The following NXN variants were observed in gnomAD, a reference collection of about 807,000 sequenced individuals.
NXN encodes the protein nucleoredoxin 1.
A neutral mutation model predicts 48.6 loss-of-function variants in NXN; 16 were observed. The observed-to-expected ratio is 0.33, with a 90% confidence interval of 0.22 to 0.50. The LOEUF (loss-of-function observed/expected upper bound fraction) is 0.50. Among genes scored for constraint, NXN ranks in the 20% least tolerant of loss-of-function variants. The pLI is 0.98. For missense variants in NXN, 492 were observed against 605.5 expected, an observed-to-expected ratio of 0.81 and a Z score of 1.97; for synonymous variants, 281 against 269.6, an observed-to-expected ratio of 1.04 and a Z score of -0.41.
chr17:936,589 C>T (rs189894807), intron 1 of NXN, among the ~76,000 whole-genome samples: 216 of 150,960 alleles, frequency 1.4e-3, no homozygotes, highest in Middle Eastern at 6.8e-3. Flanking sequence ...GAGAGAAGGG[C>T]GAGGTGTGTC....
chr17:890,422 G>C (rs1456909401), intron 1 of NXN, among the ~76,000 whole-genome samples: 2 of 152,092 alleles, frequency 1.3e-5, no homozygotes, highest in Non-Finnish European at 2.9e-5. Context: ...CGCCCAGGCT[G>C]GAGTGCAGTG....
chr17:939,566 A>G (rs375326409), intron 1 of NXN, among the ~76,000 whole-genome samples: 2 of 152,074 alleles, frequency 1.3e-5, no homozygotes, highest in East Asian at 3.9e-4. Flanking sequence ...GGCTGGTCTC[A>G]AACTCCTGAC....
At chr17:971,496 G>A (rs2069377647) in intron 1 of NXN, among the ~76,000 whole-genome samples, 1 of 151,414 alleles carries the variant, frequency 6.6e-6, no homozygotes, top group African/African-American at 2.4e-5. Flanking sequence ...GGATCATGAG[G>A]TCAGGAGTTC....
Position 932,408 on chromosome 17 carries a change from AGGAATCC to A in NXN, c.360+46904_360+46910del, listed in dbSNP as rs143386779. On this transcript the variant is annotated intron_variant, in intron 1 of 7. Transcript: ENST00000336868. This position sits in a 1 kb window ranked among gnomAD's most constrained non-coding sequence, Gnocchi z 4.1. ...AGTCAAGAACTCTGGGATGGGGCCC[AGGAATCC>A]GCATTTAACCAGTCCTTCTGGTTAT... Among the ~76,000 whole-genome samples the A allele has an allele frequency of 4.8e-4, 73 of 152,300 alleles. No homozygotes were observed. The East Asian group carries it at 0.014, about 29-fold the overall frequency.
At chr17:812,009 G>A (rs534929298) in intron 5 of NXN, among the ~76,000 whole-genome samples, 2 of 138,166 alleles carry the variant, frequency 1.4e-5, no homozygotes, top group Non-Finnish European at 3.0e-5. Context: ...CTCACTGCAA[G>A]CTCCGTCTCC....
chr17:849,836 AGAG>A lies in NXN; in HGVS notation c.361-23761_361-23759del, dbSNP rs1031341087. Reference sequence around the variant, plus strand: ...CAGCAGAGAGAAATGGAGCTGACGGAGAGGAGGACAGATAAGGAGGGGCAGGAG... The same window carrying A: ...CAGCAGAGAGAAATGGAGCTGACGGAGAGGACAGATAAGGAGGGGCAGGAG... On this transcript the variant is annotated intron_variant, in intron 1 of 7. Coordinates refer to ENST00000336868, the MANE Select transcript of NXN (RefSeq NM_022463.5). This position sits in a 1 kb window ranked among gnomAD's most constrained non-coding sequence, Gnocchi z 4.2. Among the ~76,000 whole-genome samples, 10 of 152,256 alleles carry A rather than the reference AGAG, an allele frequency of 6.6e-5. No individual in the cohort carries two copies. Among genetic ancestry groups the A allele is most frequent in the African/African-American group, 1.9e-4 (8 of 41,544 alleles).
chr17:914,947 A>G (rs74932050), intron 1 of NXN, among the ~76,000 whole-genome samples: 29 of 147,386 alleles, frequency 2.0e-4, no homozygotes, highest in Middle Eastern at 6.9e-3. Context: ...TTCAGAGTTG[A>G]TTTTTTTTTT....
At chr17:951,746 G>A (rs886406321) in intron 1 of NXN, among the ~76,000 whole-genome samples, 1 of 152,194 alleles carries the variant, frequency 6.6e-6, no homozygotes, top group African/African-American at 2.4e-5. Context: ...CCTCCCAGCA[G>A]GGCCAGCCCC....
At chr17:962,125 T>G (rs1170252456) in intron 1 of NXN, among the ~76,000 whole-genome samples, 1 of 152,142 alleles carries the variant, frequency 6.6e-6, no homozygotes, top group Non-Finnish European at 1.5e-5. Flanking sequence ...CAAAGTGAGA[T>G]TCTGTCTCAA....
rs987911396 is a variant in NXN at position 932,492 on chromosome 17, G to A, written c.360+46827C>T. On this transcript the variant is annotated intron_variant, in intron 1 of 7. Transcript: ENST00000336868. This position sits in a 1 kb window ranked among gnomAD's most constrained non-coding sequence, Gnocchi z 4.1. ...CAGCAAAACAAAACTCTGAGGCGGC[G>A]TTGGGTCCAGTCGTCGTCTCCTCAG... Among the ~76,000 whole-genome samples the A allele has an allele frequency of 2.6e-5, 4 of 152,220 alleles. No individual in the cohort carries two copies. The highest frequency in any genetic ancestry group is 4.4e-5 in the Non-Finnish European group (3 of 68,044).
chr17:952,234 ACTGTGGGGGGG>A (rs2069121316), intron 1 of NXN, among the ~76,000 whole-genome samples: 1 of 88,056 alleles, frequency 1.1e-5, no homozygotes, highest in African/African-American at 5.2e-5. Context: ...GGACGGTCAC[ACTGTGGGGGGG>A]CTGGGGTCAG....
intron 1 of NXN, among the ~76,000 whole-genome samples, chr17:971,245 C>A (rs373209305): frequency 6.6e-6 from 1 of 151,758 alleles, no homozygotes; most frequent in Non-Finnish European, 1.5e-5. Flanking sequence ...CGCGCGTGGC[C>A]GAGTCTCTTT....
rs1358981613 is a variant in NXN at position 978,853 on chromosome 17, C to T, written c.360+466G>A. Among the ~76,000 whole-genome samples the T allele has an allele frequency of 3.3e-5, 5 of 151,428 alleles. No homozygotes were observed. Among genetic ancestry groups the T allele is most frequent in the Non-Finnish European group, 7.4e-5 (5 of 67,776 alleles). On this transcript the variant is annotated intron_variant, in intron 1 of 7. Coordinates refer to ENST00000336868, the MANE Select transcript of NXN (RefSeq NM_022463.5). The surrounding 1 kb of genome is among the most constrained non-coding windows in gnomAD (Gnocchi z 4.1). ...GGCGTGCGCCCTCCCCTCCCCTCCC[C>T]TCCCCACTGTGGGAATCCGCGGGGG...
chr17:871,438 C>T (rs1020999873), intron 1 of NXN, among the ~76,000 whole-genome samples: 1 of 121,500 alleles, frequency 8.2e-6, no homozygotes, highest in Non-Finnish European at 1.6e-5. Context: ...GGATTCTCAT[C>T]GTGTCCCCCA....
intron 1 of NXN, among the ~76,000 whole-genome samples, chr17:974,145 C>T (rs1259189208): frequency 6.6e-6 from 1 of 151,578 alleles, no homozygotes; most frequent in African/African-American, 2.4e-5. Context: ...GTCGGGAGAT[C>T]GAGACCATCC....
At chr17:888,523 A>G (rs1300231080) in intron 1 of NXN, among the ~76,000 whole-genome samples, 1 of 152,228 alleles carries the variant, frequency 6.6e-6, no homozygotes, top group Non-Finnish European at 1.5e-5. Flanking sequence ...ACCTGGTCTC[A>G]GCAAGGTTTT....
chr17:828,810 G>A (rs1336876779), intron 1 of NXN, among the ~76,000 whole-genome samples: 2 of 152,084 alleles, frequency 1.3e-5, no homozygotes, highest in African/African-American at 4.8e-5. Context: ...CTGCCACGGG[G>A]ATCAGCTTCA....
intron 2 of NXN, among the ~76,000 whole-genome samples, chr17:824,756 G>A (rs1414629823): frequency 6.6e-6 from 1 of 152,202 alleles, no homozygotes; most frequent in East Asian, 1.9e-4. Flanking sequence ...CAGGTAGGGG[G>A]AGTTGAGAAT....
At chr17:971,237 C>T (rs543460228) in intron 1 of NXN, among the ~76,000 whole-genome samples, 1 of 151,778 alleles carries the variant, frequency 6.6e-6, no homozygotes, top group Non-Finnish European at 1.5e-5. Flanking sequence ...TGAGCCACCG[C>T]GCGTGGCCGA....
Sources: allele counts gnomAD v4.1 joint callset (sites outside exome capture counted in the v4.1 genomes callset), GRCh38; gene constraint gnomAD v4.1.1; non-coding constraint Gnocchi (gnomAD v3.1); transcripts MANE v1.5; gene names NCBI Gene and HGNC (gene_info 2026-07-23, HGNC 2026-07-21).